The following EIF2AK1 variants were observed in gnomAD, a reference collection of about 807,000 sequenced individuals.
The protein encoded by EIF2AK1 is eukaryotic translation initiation factor 2-alpha kinase 1.
A neutral mutation model predicts 77.9 loss-of-function variants in EIF2AK1; 54 were observed. The observed-to-expected ratio is 0.69, with a 90% CI of 0.56 to 0.87. The LOEUF (loss-of-function observed/expected upper bound fraction) is 0.87, where lower values mean the gene tolerates loss of function less well. Among genes scored for constraint, EIF2AK1 ranks in the 40% least tolerant of loss-of-function variants. The pLI is 0.00. For missense variants in EIF2AK1, 810 were observed against 768.6 expected (o/e 1.05, Z -0.64); for synonymous variants, 314 against 290.5 (o/e 1.08, Z -0.82).
chr7:6,029,864 T>A (rs907032359), intron 11 of EIF2AK1, among the ~76,000 whole-genome samples: 3 of 151,906 alleles, frequency 2.0e-5, no homozygotes, highest in African/African-American at 7.3e-5. Context: ...ATGCCTGTAA[T>A]CCCAGCTACT....
chr7:6,031,514 C>T, intron 11 of EIF2AK1: 1 of 1,550,678 alleles, frequency 6.4e-7, no homozygotes, highest in South Asian at 1.2e-5. Flanking sequence ...GATCGAGGTA[C>T]TCCTGAGAAA....
chr7:6,053,519 C>A (rs536046095), intron 2 of EIF2AK1, among the ~76,000 whole-genome samples: 2 of 152,088 alleles, frequency 1.3e-5, no homozygotes, highest in South Asian at 4.1e-4. Flanking sequence ...TGCCCGCCAC[C>A]ATGCCCAGCT....
At chr7:6,028,486 C>T (rs1351263074) in intron 13 of EIF2AK1, 129 bp downstream of exon 13, 7 of 795,070 alleles carry the variant, frequency 8.8e-6, no homozygotes, top group East Asian at 8.6e-5. Flanking sequence ...TCCTGACCTC[C>T]GGTGATCCAC....
Position 6,032,816 on chromosome 7 carries a change from T to A in EIF2AK1, c.1333-3784A>T. On this transcript the variant is annotated intron_variant, in intron 11 of 14. Coordinates refer to ENST00000199389, the MANE Select transcript of EIF2AK1 (RefSeq NM_014413.4). This position sits in a 1 kb window ranked among gnomAD's most constrained non-coding sequence, Gnocchi z 4.3. ...TTTAACTACACAGGGCCACTTGTAA[T>A]GTGTTTTGTTTTCCCTCCAAAGCCG... 1.3e-6 allele frequency: 2 copies of A among 1,533,502 alleles called. No individual in the cohort carries two copies. Among genetic ancestry groups the A allele is most frequent in the East Asian group, 4.9e-5 (2 of 40,818 alleles). The allele number at this position is 1,533,502 out of a possible 1,614,324, so 95.0% of individuals were successfully genotyped here.
At chr7:6,046,843 A>C (rs1478488099) in intron 5 of EIF2AK1, 149 bp downstream of exon 5, 19 of 615,310 alleles carry the variant, frequency 3.1e-5, no homozygotes, top group African/African-American at 1.3e-4. Context: ...CAGAGGTTGC[A>C]GTGAGCTGAG....
Position 6,049,895 on chromosome 7 carries a change from T to G in EIF2AK1, c.411+17A>C, listed in dbSNP as rs577905259. 63 of 1,598,330 alleles carry G rather than the reference T, an allele frequency of 3.9e-5. No homozygotes were observed. The highest frequency in any genetic ancestry group is 4.9e-5 in the Non-Finnish European group (58 of 1,175,586). On this transcript the variant is annotated intron_variant, in intron 3 of 14. Coordinates refer to ENST00000199389, the MANE Select transcript of EIF2AK1 (RefSeq NM_014413.4). ...GTATATTTTTGTCATACCCAAAGTA[T>G]ATTTTTTAGGGCTTACCTGACGAAC...
At chr7:6,041,346 T>G in intron 8 of EIF2AK1, 127 bp from the exon 9 acceptor site, 1 of 928,840 alleles carries the variant, frequency 1.1e-6, no homozygotes. Flanking sequence ...GGAGACCAGC[T>G]TACCCAACAT....
intron 10 of EIF2AK1, 29 bp from the exon 11 acceptor site, chr7:6,037,553 C>T (rs1562748103): frequency 6.9e-7 from 1 of 1,458,206 alleles, no homozygotes; most frequent in Non-Finnish European, 9.5e-7. Flanking sequence ...AGTTTTATTT[C>T]TCTAATTTTT....
intron 9 of EIF2AK1, 82 bp downstream of exon 9, chr7:6,040,808 AGC>A: frequency 8.7e-7 from 1 of 1,148,138 alleles, no homozygotes; most frequent in Non-Finnish European, 1.3e-6. Context: ...GAAGCGCCAG[AGC>A]TGAGAGAGGG....
chr7:6,031,583 C>A (rs1220581601), intron 11 of EIF2AK1: 1 of 1,550,778 alleles, frequency 6.4e-7, no homozygotes, highest in Non-Finnish European at 8.7e-7. Context: ...CAGATTACTT[C>A]TGACCCAGGT....
intron 6 of EIF2AK1, 103 bp downstream of exon 6, chr7:6,045,968 C>T (rs1583492644): frequency 1.6e-6 from 1 of 619,396 alleles, no homozygotes; most frequent in South Asian, 2.2e-5. Flanking sequence ...ACTGGAAATC[C>T]ACACCGCCTA....
intron 2 of EIF2AK1, 21 bp from the exon 3 acceptor site, chr7:6,050,066 A>C (rs1184855508): frequency 1.3e-6 from 2 of 1,582,308 alleles, no homozygotes; most frequent in South Asian, 2.3e-5. Context: ...AATATGAAAA[A>C]CTATTATTAG....
In EIF2AK1 at chr7:6,033,114, G is replaced by C. The variant is rs866509665; in HGVS notation, c.1333-4082C>G. The stretch of plus-strand genomic sequence containing the variant: ...CTCCCGAGTAGCTGGGATTACAGGT[G>C]TGCGTCACCATGCCCAGCTAACATT... On this transcript the variant is annotated intron_variant, in intron 11 of 14. Transcript: ENST00000199389. This position sits in a 1 kb window ranked among gnomAD's most constrained non-coding sequence, Gnocchi z 4.4. Among the ~76,000 whole-genome samples the C allele has an allele frequency of 2.0e-5, 3 of 152,116 alleles. No homozygotes were observed. The highest frequency in any genetic ancestry group is 7.2e-5 in the African/African-American group (3 of 41,432).
At chr7:6,052,537 A>C in intron 2 of EIF2AK1, among the ~76,000 whole-genome samples, 1 of 140,862 alleles carries the variant, frequency 7.1e-6, no homozygotes, top group South Asian at 2.3e-4. Context: ...AAACGCATTC[A>C]GTTTTAAGAC....
rs533672646 is a variant in EIF2AK1 at position 6,036,091 on chromosome 7, G to C, written c.1332+1333C>G. 4 of 1,550,800 alleles carry C rather than the reference G, an allele frequency of 2.6e-6. No homozygotes were observed. The highest frequency in any genetic ancestry group is 2.4e-5 in the East Asian group (1 of 40,914). ...TCTCCAATTTATATGTACCTTCAGC[G>C]CAGTTGCAATGTAAGAGATACGGCA... On this transcript the variant is annotated intron_variant, in intron 11 of 14. Coordinates refer to ENST00000199389, the MANE Select transcript of EIF2AK1 (RefSeq NM_014413.4). This position sits in a 1 kb window ranked among gnomAD's most constrained non-coding sequence, Gnocchi z 4.6.
At chr7:6,030,275 C>T (rs527690279) in intron 11 of EIF2AK1, among the ~76,000 whole-genome samples, 1 of 152,240 alleles carries the variant, frequency 6.6e-6, no homozygotes, top group Admixed American at 6.5e-5. Context: ...ACTTAGGCGA[C>T]GTCCGGGAAG....
intron 9 of EIF2AK1, among the ~76,000 whole-genome samples, chr7:6,040,618 G>C (rs534948664): frequency 4.5e-4 from 68 of 152,238 alleles, no homozygotes; most frequent in African/African-American, 1.6e-3. Context: ...CACAAACAGA[G>C]TGTGAGTGAG....
At chr7:6,055,581 GCACTGT>G (rs1562760869) in intron 1 of EIF2AK1, among the ~76,000 whole-genome samples, 1 of 151,348 alleles carries the variant, frequency 6.6e-6, no homozygotes, top group Non-Finnish European at 1.5e-5. Flanking sequence ...CATCCTCTTT[GCACTGT>G]ATGAGACCAT....
chr7:6,049,105 G>A lies in EIF2AK1; in HGVS notation c.412-261C>T, dbSNP rs1023417277. ...CCTCCTGCCTGCCCACCTCTCTCGC[G>A]TGTATGGTGGCACCTGGCACCCTGC... On this transcript the variant is annotated intron_variant, in intron 3 of 14. Coordinates refer to ENST00000199389, the MANE Select transcript of EIF2AK1 (RefSeq NM_014413.4). Among the ~76,000 whole-genome samples the A allele has an allele frequency of 3.9e-5, 6 of 152,052 alleles. No homozygotes were observed. The South Asian group carries it at 6.2e-4, about 16-fold the overall frequency.
Sources: allele counts gnomAD v4.1 joint callset (sites outside exome capture counted in the v4.1 genomes callset), GRCh38; gene constraint gnomAD v4.1.1; non-coding constraint Gnocchi (gnomAD v3.1); transcripts MANE v1.5; gene names NCBI Gene and HGNC (gene_info 2026-07-23, HGNC 2026-07-21).